DIPK1A: variants seen among roughly 807,000 people sequenced by gnomAD.
DIPK1A encodes the protein divergent protein kinase domain 1A, also known as family with sequence similarity 69 member A.
A neutral mutation model predicts 40.8 loss-of-function variants in DIPK1A; 27 were observed. The ratio of observed to expected loss-of-function variants is 0.66; its 90% CI spans 0.49 to 0.91. DIPK1A has a LOEUF of 0.91. DIPK1A is among the 40% of genes least tolerant of loss of function. The probability of loss-of-function intolerance (pLI) is 0.00; values close to 1 mark genes in which losing one functional copy is unlikely to be tolerated. For synonymous variants in DIPK1A, 166 were observed against 171.3 expected (o/e 0.97, Z 0.24); for missense variants, 412 against 505.7 (o/e 0.81, Z 1.78).
Position 92,847,178 on chromosome 1 carries a change from C to T in DIPK1A, c.474+5G>A. 1 of 1,519,708 alleles carries T rather than the reference C, an allele frequency of 6.6e-7. No individual in the cohort carries two copies. Among genetic ancestry groups the T allele is most frequent in the Non-Finnish European group, 8.8e-7 (1 of 1,130,340 alleles). 94.1% of individuals were successfully genotyped at this position (1,519,708 alleles called of 1,614,324 possible). A position where few individuals can be genotyped will look rare whatever the true frequency, so the allele number is the denominator to read the frequency against. On this transcript the variant is annotated splice_donor_5th_base_variant and intron_variant, in intron 4 of 4. Coordinates refer to ENST00000370310, the MANE Select transcript of DIPK1A (RefSeq NM_001006605.5). The stretch of plus-strand genomic sequence containing the variant: ...CACTAGCAACATATGAATGGGTATG[C>T]TTACCTTAAAGAGACTATAGACCAT...
At chr1:92,893,635 C>A (rs1043799128) in intron 1 of DIPK1A, among the ~76,000 whole-genome samples, 1 of 151,318 alleles carries the variant, frequency 6.6e-6, no homozygotes, top group African/African-American at 2.4e-5. Context: ...ATGACAGGAT[C>A]AAATTCACAC....
At chr1:92,924,784 C>T (rs1025620662) in intron 1 of DIPK1A, among the ~76,000 whole-genome samples, 1 of 152,240 alleles carries the variant, frequency 6.6e-6, no homozygotes, top group African/African-American at 2.4e-5. Flanking sequence ...TCATATCCTG[C>T]ATTCATGATA....
intron 1 of DIPK1A, among the ~76,000 whole-genome samples, chr1:92,936,703 A>G (rs2100882790): frequency 6.6e-6 from 1 of 152,132 alleles, no homozygotes; most frequent in East Asian, 1.9e-4. Flanking sequence ...GTTCTGCCAG[A>G]CCCTCCATAG....
At chr1:92,885,364 G>C (rs187150685) in intron 1 of DIPK1A, among the ~76,000 whole-genome samples, 2 of 152,190 alleles carry the variant, frequency 1.3e-5, no homozygotes, top group Non-Finnish European at 2.9e-5. Flanking sequence ...ATTGGAAAGT[G>C]ACTATCTAAT....
At chr1:92,841,742 A>AAT (rs1553122868), downstream of DIPK1A, 1 of 1,513,166 alleles carries the variant, frequency 6.6e-7, no homozygotes, top group Non-Finnish European at 9.1e-7. Flanking sequence ...TAGTTTAAAA[A>AAT]ATATATATTC....
At chr1:92,959,935 T>TTTTTTTA in intron 1 of DIPK1A, among the ~76,000 whole-genome samples, 1 of 123,544 alleles carries the variant, frequency 8.1e-6, no homozygotes. Context: ...TTTGTATTTT[T>TTTTTTTA]AGTAGAGGCG....
chr1:92,858,995 C>T (rs1688078630), intron 2 of DIPK1A, among the ~76,000 whole-genome samples: 1 of 152,128 alleles, frequency 6.6e-6, no homozygotes, highest in African/African-American at 2.4e-5. Context: ...TCCGGTGATT[C>T]TCCTAAATGC....
intron 1 of DIPK1A, among the ~76,000 whole-genome samples, chr1:92,959,927 T>TTTTTTTG (rs58336814): frequency 7.5e-6 from 1 of 133,820 alleles, no homozygotes; most frequent in African/African-American, 2.9e-5. Context: ...TTTTTTTTTT[T>TTTTTTTG]GTATTTTTAG....
intron 2 of DIPK1A, among the ~76,000 whole-genome samples, chr1:92,863,994 T>G (rs1290296173): frequency 6.6e-6 from 1 of 152,036 alleles, no homozygotes; most frequent in Non-Finnish European, 1.5e-5. Context: ...GAGGTGAAGG[T>G]TGCAGTGAGC....
At chr1:92,868,052 T>TC (rs1270839900) in intron 2 of DIPK1A, among the ~76,000 whole-genome samples, 1 of 152,204 alleles carries the variant, frequency 6.6e-6, no homozygotes, top group Non-Finnish European at 1.5e-5. Context: ...CAGTGTTAGA[T>TC]TATCAGGTTA....
At position 92,861,148 on chromosome 1, in the gene DIPK1A, A is replaced by G. The variant is rs61803171; in HGVS notation, c.190-10193T>C. 3.1e-3 allele frequency among the ~76,000 whole-genome samples: 471 copies of G among 152,230 alleles called. 3 individuals carry two copies. Among genetic ancestry groups the G allele is most frequent in the Admixed American group, 5.9e-3 (90 of 15,278 alleles). On this transcript the variant is annotated intron_variant, in intron 2 of 4. Transcript: ENST00000370310. ...CTTTGATCCTAATATCAGTGATTAT[A>G]TATTCAGACTTTCACCATTACATAA... is the stretch of plus-strand genomic sequence containing the variant.
intron 4 of DIPK1A, chr1:92,833,983 C>G: frequency 2.9e-6 from 1 of 347,544 alleles, no homozygotes; most frequent in Non-Finnish European, 5.5e-6. Context: ...CGGGGCGCAC[C>G]TGTAGTCCCA....
intron 1 of DIPK1A, among the ~76,000 whole-genome samples, chr1:92,939,821 C>T (rs1364951564): frequency 6.6e-6 from 1 of 151,888 alleles, no homozygotes; most frequent in East Asian, 1.9e-4. Flanking sequence ...CAGTGGTGGC[C>T]CATGCCTGTA....
chr1:92,873,011 A>AG (rs2100769891), intron 2 of DIPK1A, among the ~76,000 whole-genome samples: 1 of 152,300 alleles, frequency 6.6e-6, no homozygotes, highest in South Asian at 2.1e-4. Flanking sequence ...TGTCCCCAGT[A>AG]GGGGCTTTCC....
At chr1:92,862,944 T>C (rs1330886939) in intron 2 of DIPK1A, among the ~76,000 whole-genome samples, 1 of 152,240 alleles carries the variant, frequency 6.6e-6, no homozygotes, top group Non-Finnish European at 1.5e-5. Flanking sequence ...ACCTTCTTCA[T>C]TAGGGTTGCC....
intron 1 of DIPK1A, among the ~76,000 whole-genome samples, chr1:92,903,648 C>G (rs1649503193): frequency 6.6e-6 from 1 of 152,128 alleles, no homozygotes; most frequent in African/African-American, 2.4e-5. Context: ...GGCAGGAGAG[C>G]TAGTCAAAAT....
chr1:92,879,989 C>T (rs1436346682), intron 1 of DIPK1A, among the ~76,000 whole-genome samples: 1 of 152,168 alleles, frequency 6.6e-6, no homozygotes, highest in Non-Finnish European at 1.5e-5. Flanking sequence ...TTTGTAAATA[C>T]ACTATGGCAG....
In DIPK1A at chr1:92,836,273, T is replaced by C. The variant is rs142297836; in HGVS notation, c.475-3239A>G. ...ATGAATACAATGTGGAAAGCATTGA[T>C]GGTCAGCCAGGTGCCTTCACCTGCT... On this transcript the variant is annotated intron_variant, in intron 4 of 4. Coordinates refer to the DIPK1A transcript ENST00000615519. 4.1e-5 allele frequency: 66 copies of C among 1,614,016 alleles called. No homozygotes were observed. The African/African-American group carries it at 7.3e-4, about 18-fold the overall frequency.
At chr1:92,864,797 G>T (rs1001883529) in intron 2 of DIPK1A, among the ~76,000 whole-genome samples, 1 of 151,786 alleles carries the variant, frequency 6.6e-6, no homozygotes, top group Admixed American at 6.6e-5. Flanking sequence ...CCTAGCACTC[G>T]GGAAGGCCAA....
Sources: gnomAD v4.1 joint callset for allele counts (sites outside exome capture counted in the v4.1 genomes callset) on GRCh38, gnomAD v4.1.1 for gene constraint, MANE v1.5 for transcripts, NCBI Gene and HGNC (gene_info 2026-07-23, HGNC 2026-07-21) for gene names.